BCAS3: variants seen among roughly 807,000 people sequenced by gnomAD.
The protein encoded by BCAS3 is BCAS3 microtubule associated cell migration factor.
A neutral mutation model predicts 116.1 loss-of-function variants in BCAS3; 53 were observed. The ratio of observed to expected loss-of-function variants is 0.46; its 90% confidence interval spans 0.37 to 0.57. BCAS3 has a LOEUF of 0.57. Ranked by LOEUF, BCAS3 falls within the 20% of genes least tolerant of loss-of-function variation. The pLI is 0.00. For missense variants in BCAS3, 917 were observed against 1,165.4 expected, an observed-to-expected ratio of 0.79 and a Z score of 3.10; for synonymous variants, 391 against 408.2, an observed-to-expected ratio of 0.96 and a Z score of 0.51.
Position 61,122,630 on chromosome 17 carries a change from C to T in BCAS3, c.2425+38066C>T, listed in dbSNP as rs1255226900. ...TTTGGCAGGTCAGAACAAACATTAT[C>T]TTGCTCCCATATGTTTTTGTAGGAT... is the stretch of plus-strand genomic sequence containing the variant. On this transcript the variant is annotated intron_variant, in intron 22 of 23. Coordinates refer to ENST00000407086, the MANE Select transcript of BCAS3 (RefSeq NM_017679.5). The surrounding 1 kb of genome is among the most constrained non-coding windows in gnomAD (Gnocchi z 4.6). 1.3e-5 allele frequency among the ~76,000 whole-genome samples: 2 copies of T among 152,178 alleles called. No homozygotes were observed. Among genetic ancestry groups the T allele is most frequent in the Non-Finnish European group, 2.9e-5 (2 of 68,028 alleles).
Position 61,084,140 on chromosome 17 carries a change from G to A in BCAS3, c.2328-327G>A, listed in dbSNP as rs1023070278. Among the ~76,000 whole-genome samples, 3 of 152,174 alleles carry A rather than the reference G, an allele frequency of 2.0e-5. No homozygotes were observed. The highest frequency in any genetic ancestry group is 6.5e-5 in the Admixed American group (1 of 15,282). The stretch of plus-strand genomic sequence containing the variant: ...TCCCTTGGAAATCCCAAAGGTTTCA[G>A]TATAAACATTTTCAGTGTTTAATTT... On this transcript the variant is annotated intron_variant, in intron 21 of 23. Coordinates refer to ENST00000407086, the MANE Select transcript of BCAS3 (RefSeq NM_017679.5). The surrounding 1 kb of genome is among the most constrained non-coding windows in gnomAD (Gnocchi z 5.5).
intron 7 of BCAS3, among the ~76,000 whole-genome samples, chr17:60,826,151 C>T (rs9675015): frequency 0.092 from 13,912 of 151,800 alleles, 2,139 homozygotes; most frequent in African/African-American, 0.32. Context: ...TGAGCCACCT[C>T]GTCTGGCTAG....
intron 5 of BCAS3, among the ~76,000 whole-genome samples, chr17:60,720,737 A>C (rs1007262023): frequency 6.6e-6 from 1 of 152,204 alleles, no homozygotes. Flanking sequence ...GAGGATGTGC[A>C]TAGGTTTTAT....
chr17:61,184,791 A>T (rs192452849), intron 22 of BCAS3, among the ~76,000 whole-genome samples: 1 of 152,314 alleles, frequency 6.6e-6, no homozygotes, highest in East Asian at 1.9e-4. Flanking sequence ...GTAGCAACAC[A>T]GATGAATTTC....
rs2058081537 is a variant in BCAS3, at chr17:61,355,292, G to A, written c.2426-13035G>A. 6.6e-6 allele frequency: 1 copy of A among 152,156 alleles called. No homozygotes were observed. Among genetic ancestry groups the A allele is most frequent in the Non-Finnish European group, 1.5e-5 (1 of 68,034 alleles). 9.4% of individuals were successfully genotyped at this position (152,156 alleles called of 1,614,324 possible). A position where few individuals can be genotyped will look rare whatever the true frequency, so the allele number is the denominator to read the frequency against. ...AAAAACAGAAGACTTCTTGGCCCCA[G>A]GTTTCAGACTTCAAAGTTCTCAGTT... On this transcript the variant is annotated intron_variant, in intron 22 of 23. Coordinates refer to ENST00000407086, the MANE Select transcript of BCAS3 (RefSeq NM_017679.5). This position sits in a 1 kb window ranked among gnomAD's most constrained non-coding sequence, Gnocchi z 4.2.
chr17:61,356,051 A>G lies in BCAS3; in HGVS notation c.2426-12276A>G, dbSNP rs971278171. 6.6e-6 allele frequency among the ~76,000 whole-genome samples: 1 copy of G among 152,124 alleles called. No individual in the cohort carries two copies. The highest frequency in any genetic ancestry group is 2.1e-4 in the South Asian group (1 of 4,824). On this transcript the variant is annotated intron_variant, in intron 22 of 23. Coordinates refer to ENST00000407086, the MANE Select transcript of BCAS3 (RefSeq NM_017679.5). This position sits in a 1 kb window ranked among gnomAD's most constrained non-coding sequence, Gnocchi z 5.4. ...ACTCTGTGGCCCAGGCTGGAGTACA[A>G]TGGCGCAATCTCGGCCCACTGCAAC... is the stretch of plus-strand genomic sequence containing the variant.
chr17:60,938,715 T>C (rs2060069845), intron 13 of BCAS3, among the ~76,000 whole-genome samples: 1 of 134,368 alleles, frequency 7.4e-6, no homozygotes, highest in Non-Finnish European at 1.6e-5. Context: ...TGATAGAAGA[T>C]AGATAGATAG....
At chr17:60,707,194 T>C (rs780308008) in intron 4 of BCAS3, among the ~76,000 whole-genome samples, 1 of 152,036 alleles carries the variant, frequency 6.6e-6, no homozygotes, top group South Asian at 2.1e-4. Flanking sequence ...GGTTTCTCCA[T>C]GTTGGTCAGG....
chr17:61,052,019 A>G (rs2068903714), intron 19 of BCAS3, among the ~76,000 whole-genome samples: 1 of 152,078 alleles, frequency 6.6e-6, no homozygotes, highest in Non-Finnish European at 1.5e-5. Context: ...GAGAAAAAGC[A>G]ATGAACTATG....
chr17:60,916,891 T>C (rs899675883), intron 12 of BCAS3, among the ~76,000 whole-genome samples: 1 of 152,182 alleles, frequency 6.6e-6, no homozygotes, highest in Non-Finnish European at 1.5e-5. Context: ...GCAATGGATT[T>C]GAATAAACAT....
At chr17:60,963,834 C>A (rs1703768131) in intron 14 of BCAS3, among the ~76,000 whole-genome samples, 1 of 152,168 alleles carries the variant, frequency 6.6e-6, no homozygotes, top group South Asian at 2.1e-4. Flanking sequence ...GGATTACAGG[C>A]GTGAGCCACC....
intron 22 of BCAS3, among the ~76,000 whole-genome samples, chr17:61,178,158 C>G (rs1484406893): frequency 2.0e-5 from 3 of 151,958 alleles, no homozygotes; most frequent in African/African-American, 7.3e-5. Context: ...TTCAATCTGC[C>G]CTCTTATTCC....
intron 16 of BCAS3, among the ~76,000 whole-genome samples, chr17:61,022,020 T>G (rs1177352506): frequency 2.0e-5 from 3 of 152,190 alleles, no homozygotes; most frequent in African/African-American, 7.2e-5. Flanking sequence ...AAGTACCAGT[T>G]CTTCATAGCT....
At chr17:60,828,219 T>A (rs1342362925) in intron 7 of BCAS3, among the ~76,000 whole-genome samples, 1 of 152,192 alleles carries the variant, frequency 6.6e-6, no homozygotes, top group Admixed American at 6.5e-5. Context: ...TGGAATTCCA[T>A]ACAGGCATGC....
In BCAS3 at chr17:60,904,213, G is replaced by A. The variant is rs190450932; in HGVS notation, c.822+1510G>A. ...GAGGTCAGGAGTTCAAGATCAGCCT[G>A]GCCAACATAGTGAAACCCCGTCTCT... is the stretch of plus-strand genomic sequence containing the variant. On this transcript the variant is annotated intron_variant, in intron 11 of 23. Transcript: ENST00000407086. Among the ~76,000 whole-genome samples the A allele has an allele frequency of 2.9e-3, 435 of 151,636 alleles. 1 individual carries two copies. The highest frequency in any genetic ancestry group is 0.017 in the Middle Eastern group (5 of 290).
chr17:61,163,602 T>C (rs1253344735), intron 22 of BCAS3, among the ~76,000 whole-genome samples: 4 of 152,266 alleles, frequency 2.6e-5, no homozygotes, highest in Non-Finnish European at 4.4e-5. Flanking sequence ...AGAGTCTTTA[T>C]TTAAAGGTTT....
intron 6 of BCAS3, among the ~76,000 whole-genome samples, chr17:60,766,128 G>A (rs746137476): frequency 6.6e-6 from 1 of 152,054 alleles, no homozygotes; most frequent in Non-Finnish European, 1.5e-5. Flanking sequence ...CGATGGGTTC[G>A]AACATCCTCC....
At position 60,679,510 on chromosome 17, in the gene BCAS3, G is replaced by A; in HGVS notation, c.53G>A (p.Gly18Asp). 1 of 1,613,942 alleles carries A rather than the reference G, an allele frequency of 6.2e-7. No homozygotes were observed. Among genetic ancestry groups the A allele is most frequent in the Non-Finnish European group, 8.5e-7 (1 of 1,179,898 alleles). Residue 18 changes from glycine to aspartate, a missense_variant, in exon 2 of 24, where the codon GGT becomes GAT. This residue lies in a region of BCAS3 where 807 missense variants were observed against 1,026.0 expected (regional missense o/e 0.79). Transcript: ENST00000407086. ...CCAAGAAGACCCAGTCGTTGTACTGGTGGAGTTGTGGTTCGCCCCCAGGCT... is the reference window on the plus strand; with the variant it reads ...CCAAGAAGACCCAGTCGTTGTACTGATGGAGTTGTGGTTCGCCCCCAGGCT... ...DSPRRPSRCT[G>D]GVVVRPQAVT...
intron 14 of BCAS3, among the ~76,000 whole-genome samples, chr17:60,950,011 A>G (rs1261824075): frequency 6.6e-6 from 1 of 152,224 alleles, no homozygotes; most frequent in Non-Finnish European, 1.5e-5. Flanking sequence ...TTTGGAGAGT[A>G]TCATCTAAGT....
Sources: gnomAD v4.1 joint callset for allele counts (sites outside exome capture counted in the v4.1 genomes callset) on GRCh38, gnomAD v4.1.1 for gene constraint, gnomAD v4.1.1 regional missense constraint, Gnocchi (gnomAD v3.1) non-coding constraint, MANE v1.5 for transcripts, NCBI Gene and HGNC (gene_info 2026-07-23, HGNC 2026-07-21) for gene names.